Variants in TOGARAM2 observed in about 807,000 individuals in gnomAD.
TOGARAM2 encodes TOG array regulator of axonemal microtubules 2.
TOGARAM2 carries 85 observed loss-of-function variants against 93.3 expected under a neutral mutation model. That is an observed-to-expected ratio of 0.91 (90% CI 0.76 to 1.09). The LOEUF is 1.09. Among genes scored for constraint, TOGARAM2 ranks in the 50% least tolerant of loss-of-function variants. The probability of loss-of-function intolerance (pLI) is 0.00; values close to 1 mark genes in which losing one functional copy is unlikely to be tolerated. For missense variants in TOGARAM2, 1,277 were observed against 1,334.5 expected, an observed-to-expected ratio of 0.96 and a Z score of 0.67; for synonymous variants, 593 against 552.8, an observed-to-expected ratio of 1.07 and a Z score of -1.02.
At chr2:29,006,780 G>T (rs754031631) in intron 6 of TOGARAM2, among the ~76,000 whole-genome samples, 1 of 152,032 alleles carries the variant, frequency 6.6e-6, no homozygotes, top group Non-Finnish European at 1.5e-5. Context: ...TCAGACAGCA[G>T]CTTGCTCCAC....
At chr2:28,977,345 C>T (rs999266489), upstream of TOGARAM2, among the ~76,000 whole-genome samples, 1 of 152,070 alleles carries the variant, frequency 6.6e-6, no homozygotes, top group African/African-American at 2.4e-5. Context: ...GAGCATACCA[C>T]CTCCTAGGGT....
upstream of TOGARAM2, among the ~76,000 whole-genome samples, chr2:28,978,032 G>A (rs146029999): frequency 0.01 from 1,570 of 152,200 alleles, 28 homozygotes; most frequent in African/African-American, 0.036. Flanking sequence ...TCAGCCTCCT[G>A]AGTAGCTGAG....
chr2:28,998,897 C>T (rs910355561), intron 3 of TOGARAM2, among the ~76,000 whole-genome samples: 2 of 152,088 alleles, frequency 1.3e-5, no homozygotes, highest in Non-Finnish European at 2.9e-5. Flanking sequence ...GGCAGACGAC[C>T]TTCCCTATGA....
rs770132490 is a variant in TOGARAM2 at position 29,003,637 on chromosome 2, C to T, written c.785C>T (p.Pro262Leu). Residue 262 changes from proline (P) to leucine (L), a missense_variant, in exon 6 of 20, where the codon CCT (proline) becomes CTT (leucine). Physicochemically the swap from Pro to Leu is moderately conservative, Grantham distance 98 (BLOSUM62 -3). Coordinates refer to ENST00000379558, the MANE Select transcript of TOGARAM2 (RefSeq NM_199280.4). ...CCTGGCTCCCTTCCCAGCCCGTTAC[C>T]TCCAGGCCAGGGAGTCCTCACAGGC... ...RVPGSLPSPL[P>L]PGQGVLTGLR... 2.8e-5 allele frequency: 44 copies of T among 1,590,218 alleles called. No homozygotes were observed. Among genetic ancestry groups the T allele is most frequent in the Non-Finnish European group, 3.7e-5 (43 of 1,169,456 alleles).
In TOGARAM2 at chr2:29,023,178, T is replaced by C. The variant is rs6721861; in HGVS notation, c.1604T>C (p.Val535Ala). 553,419 of 1,587,958 alleles carry C rather than the reference T, an allele frequency of 0.35. 103,032 individuals carry two copies. Among genetic ancestry groups the C allele is most frequent in the East Asian group, 0.73 (31,891 of 43,616 alleles). Reference protein sequence around the residue: ...LTGKLHDVCLVVTGEVTNLRS... With the variant: ...LTGKLHDVCLAVTGEVTNLRS... The stretch of plus-strand genomic sequence containing the variant: ...GGGAAGCTGCACGACGTGTGCTTGG[T>C]GGTGACTGGGGAGGTGAGGCCCCCC... The change falls in exon 12 of 20, where the codon GTG (valine) becomes GCG (alanine). Residue 535 changes from valine to alanine, a missense_variant. Val to Ala is a moderately conservative substitution (Grantham distance 64). Coordinates refer to ENST00000379558, the MANE Select transcript of TOGARAM2 (RefSeq NM_199280.4).
At chr2:29,046,890 A>T (rs1666778447) in intron 19 of TOGARAM2, 1 of 152,782 alleles carries the variant, frequency 6.5e-6, no homozygotes, top group Non-Finnish European at 1.5e-5. Flanking sequence ...AGCCTTCTCC[A>T]TTCTTCTTCC....
intron 6 of TOGARAM2, among the ~76,000 whole-genome samples, chr2:29,010,645 C>T (rs1348171731): frequency 1.3e-5 from 2 of 151,456 alleles, no homozygotes; most frequent in Non-Finnish European, 2.9e-5. Context: ...GTCAGCCCCC[C>T]AGTGGGTCCT....
chr2:28,999,122 G>C, intron 3 of TOGARAM2, 59 bp from the exon 4 acceptor site: 1 of 1,514,546 alleles, frequency 6.6e-7, no homozygotes, highest in South Asian at 1.3e-5. Context: ...GAGCTTGCTG[G>C]TGCCTGGTGC....
At chr2:29,010,217 C>T (rs1472034801) in intron 6 of TOGARAM2, among the ~76,000 whole-genome samples, 1 of 152,160 alleles carries the variant, frequency 6.6e-6, no homozygotes, top group Non-Finnish European at 1.5e-5. Flanking sequence ...TGATGCTCCA[C>T]TTCCCCTCCC....
rs374003870 is a variant in TOGARAM2, at chr2:29,047,888, T to A, written c.2722+2478T>A. ...TAGCAGGATGGGGAAGGAGGCTCTG[T>A]TGGGGGGCAGGTAGAGCCCCCCCAG... On this transcript the variant is annotated intron_variant, in intron 19 of 19. Transcript: ENST00000379558. The A allele has an allele frequency of 3.5e-4, 53 of 151,698 alleles. No individual in the cohort carries two copies. The East Asian group carries it at 0.01, about 29-fold the overall frequency. The allele number at this position is 151,698 out of a possible 1,614,324, so 9.4% of individuals were successfully genotyped here.
intron 1 of TOGARAM2, among the ~76,000 whole-genome samples, chr2:28,965,673 A>G (rs1317171859): frequency 1.3e-5 from 2 of 151,982 alleles, no homozygotes; most frequent in Non-Finnish European, 2.9e-5. Context: ...ACTCAAGAGG[A>G]CTCCCATGCA....
chr2:29,002,490 C>T, intron 4 of TOGARAM2, 46 bp from the exon 5 acceptor site: 1 of 1,562,438 alleles, frequency 6.4e-7, no homozygotes, highest in Non-Finnish European at 8.7e-7. Flanking sequence ...CTTCCACTCC[C>T]TGTTCTTCTG....
rs774586680 is a variant in TOGARAM2, at chr2:29,023,168, G to A, written c.1594G>A (p.Val532Met). 1.9e-6 allele frequency: 3 copies of A among 1,595,614 alleles called. No homozygotes were observed. Among genetic ancestry groups the A allele is most frequent in the Non-Finnish European group, 2.6e-6 (3 of 1,171,080 alleles). ...GGTCCTCACCGGGAAGCTGCACGACGTGTGCTTGGTGGTGACTGGGGAGGT... is the reference window on the plus strand; with the variant it reads ...GGTCCTCACCGGGAAGCTGCACGACATGTGCTTGGTGGTGACTGGGGAGGT... The part of the protein sequence containing the change: ...SEVLTGKLHD[V>M]CLVVTGEVTN... The change falls in exon 12 of 20, where the codon GTG becomes ATG. Residue 532 changes from valine to methionine, a missense_variant. Physicochemically the swap from Val to Met is conservative, Grantham distance 21. Coordinates refer to ENST00000379558, the MANE Select transcript of TOGARAM2 (RefSeq NM_199280.4).
chr2:29,035,700 G>A, intron 17 of TOGARAM2, 44 bp downstream of exon 17: 1 of 1,316,286 alleles, frequency 7.6e-7, no homozygotes. Flanking sequence ...CTCTCCTCTG[G>A]GGGGTGCAAC....
chr2:28,994,753 C>A lies in TOGARAM2; in HGVS notation c.-82C>A. On this transcript the variant is annotated 5_prime_UTR_variant, in exon 2 of 20. Coordinates refer to ENST00000379558, the MANE Select transcript of TOGARAM2 (RefSeq NM_199280.4). ...CCGGATGTTACAGGTCAGAGCCCTCCAGACCCCCAAGGACTGTACTCACTG... is the reference window on the plus strand; with the variant it reads ...CCGGATGTTACAGGTCAGAGCCCTCAAGACCCCCAAGGACTGTACTCACTG... The A allele has an allele frequency of 6.8e-7, 1 of 1,463,922 alleles. No homozygotes were observed. Among genetic ancestry groups the A allele is most frequent in the Non-Finnish European group, 9.4e-7 (1 of 1,068,088 alleles). 90.7% of individuals were successfully genotyped at this position (1,463,922 alleles called of 1,614,324 possible).
At position 29,017,838 on chromosome 2, in the gene TOGARAM2, G is replaced by C; in HGVS notation, c.1242G>C (p.Arg414Ser). The change falls in exon 10 of 20, where the codon AGG becomes AGC. Residue 414 changes from arginine (R) to serine (S), a missense_variant. Arg to Ser is a moderately radical substitution (Grantham distance 110). Transcript: ENST00000379558. ...GCGGGACACTGTCTGTGCCCACTAG[G>C]CTGAGCGGCCCATGCAGAAACGACG... ...RGSGTLSVPT[R>S]LSGPCRNDVS... The C allele has an allele frequency of 6.2e-7, 1 of 1,613,434 alleles. No individual in the cohort carries two copies.
At position 29,003,585 on chromosome 2, in the gene TOGARAM2, A is replaced by T. The variant is rs1201723408; in HGVS notation, c.733A>T (p.Thr245Ser). Reference protein sequence around the residue: ...IVIPPIPKARTVAATPSRVPG... With the variant: ...IVIPPIPKARSVAATPSRVPG... ...GATCCCACCCATCCCAAAGGCCAGG[A>T]CGGTTGCAGCGACCCCCTCCCGTGT... Residue 245 changes from threonine to serine, a missense_variant, in exon 6 of 20, where the codon ACG (threonine) becomes TCG (serine). Physicochemically the swap from Thr to Ser is moderately conservative, Grantham distance 58. Coordinates refer to ENST00000379558, the MANE Select transcript of TOGARAM2 (RefSeq NM_199280.4). 6.3e-7 allele frequency: 1 copy of T among 1,596,214 alleles called. No individual in the cohort carries two copies. The highest frequency in any genetic ancestry group is 2.3e-5 in the East Asian group (1 of 43,148).
chr2:29,045,477 T>G (rs760448269), intron 19 of TOGARAM2, 67 bp downstream of exon 19: 14 of 1,368,682 alleles, frequency 1.0e-5, no homozygotes, highest in African/African-American at 1.4e-5. Context: ...GGTCTGTGGT[T>G]GAACCATTCA....
intron 6 of TOGARAM2, among the ~76,000 whole-genome samples, chr2:29,008,351 A>T (rs947755143): frequency 1.3e-5 from 2 of 152,112 alleles, no homozygotes; most frequent in Admixed American, 1.3e-4. Context: ...CAGTTTCATC[A>T]CATTGGTTAG....
Sources: gnomAD v4.1 joint callset for allele counts (sites outside exome capture counted in the v4.1 genomes callset) on GRCh38, gnomAD v4.1.1 for gene constraint, MANE v1.5 for transcripts, NCBI Gene and HGNC (gene_info 2026-07-23, HGNC 2026-07-21) for gene names.